KIRREL3: variants seen among roughly 807,000 people sequenced by gnomAD.
KIRREL3 encodes the protein kin of IRRE-like protein 3.
Under a neutral mutation model 89.7 loss-of-function variants are expected in KIRREL3, and 36 were observed. The observed-to-expected ratio is 0.40, with a 90% CI of 0.31 to 0.53. The LOEUF (loss-of-function observed/expected upper bound fraction) is 0.53, where lower values mean the gene tolerates loss of function less well. Ranked by LOEUF, KIRREL3 falls within the 20% of genes least tolerant of loss-of-function variation. KIRREL3 has a pLI of 0.49. For missense variants in KIRREL3, 864 were observed against 1,056.6 expected, an observed-to-expected ratio of 0.82 and a Z score of 2.53; for synonymous variants, 445 against 441.4, an observed-to-expected ratio of 1.01 and a Z score of -0.10.
intron 8 of KIRREL3, 41 bp from the exon 9 acceptor site, chr11:126,446,927 G>A: frequency 1.3e-6 from 2 of 1,588,762 alleles, no homozygotes; most frequent in Non-Finnish European, 1.7e-6. Context: ...AGGTGGGTGG[G>A]GAGCTCTGGG....
intron 1 of KIRREL3, among the ~76,000 whole-genome samples, chr11:126,926,389 C>T (rs1406393697): frequency 6.6e-6 from 1 of 152,212 alleles, no homozygotes; most frequent in Admixed American, 6.5e-5. Context: ...TGTAGTTATG[C>T]TCATTTGAAT....
intron 1 of KIRREL3, among the ~76,000 whole-genome samples, chr11:126,863,114 GGT>G (rs1208569777): frequency 6.6e-6 from 1 of 152,240 alleles, no homozygotes; most frequent in Non-Finnish European, 1.5e-5. Context: ...GCTGGCTGCT[GGT>G]GACTTGCTGC....
At chr11:126,621,028 C>A (rs139706408) in intron 1 of KIRREL3, among the ~76,000 whole-genome samples, 79 of 152,330 alleles carry the variant, frequency 5.2e-4, no homozygotes, top group African/African-American at 1.9e-3. Flanking sequence ...TAAGCGAATG[C>A]AAAGGGCAAA....
chr11:126,722,160 A>T (rs1450943187), intron 1 of KIRREL3, among the ~76,000 whole-genome samples: 1 of 152,166 alleles, frequency 6.6e-6, no homozygotes, highest in African/African-American at 2.4e-5. Flanking sequence ...CCTCCATCCC[A>T]ATCTATCTGC....
Position 126,475,665 on chromosome 11 carries a change from TGGA to T in KIRREL3, c.434-2202_434-2200del, listed in dbSNP as rs1289192222. 6.6e-6 allele frequency among the ~76,000 whole-genome samples: 1 copy of T among 152,056 alleles called. No homozygotes were observed. Among genetic ancestry groups the T allele is most frequent in the Non-Finnish European group, 1.5e-5 (1 of 68,022 alleles). On this transcript the variant is annotated intron_variant, in intron 4 of 16. Coordinates refer to ENST00000525144, the MANE Select transcript of KIRREL3 (RefSeq NM_032531.4). This position sits in a 1 kb window ranked among gnomAD's most constrained non-coding sequence, Gnocchi z 7.5. ...AGGAAGCAGGCATGAATGGGATGGA[TGGA>T]GAAGACGACCCCCCAGCCGCCCACC...
chr11:126,976,121 GAGA>G lies in KIRREL3; in HGVS notation c.55+24331_55+24333del, dbSNP rs1007021265. ...CACATCGCTTTCTACAGAGGATGCTGAGAAGCACATTATTTGTCACCATGCCAC... is the reference window on the plus strand; with the variant it reads ...CACATCGCTTTCTACAGAGGATGCTGAGCACATTATTTGTCACCATGCCAC... On this transcript the variant is annotated intron_variant, in intron 1 of 16. Coordinates refer to ENST00000525144, the MANE Select transcript of KIRREL3 (RefSeq NM_032531.4). This position sits in a 1 kb window ranked among gnomAD's most constrained non-coding sequence, Gnocchi z 4.2. Among the ~76,000 whole-genome samples, 4 of 151,918 alleles carry G rather than the reference GAGA, an allele frequency of 2.6e-5. No individual in the cohort carries two copies. The highest frequency in any genetic ancestry group is 4.4e-5 in the Non-Finnish European group (3 of 67,992).
At chr11:126,889,629 G>A (rs927606929) in intron 1 of KIRREL3, among the ~76,000 whole-genome samples, 2 of 152,116 alleles carry the variant, frequency 1.3e-5, no homozygotes, top group Non-Finnish European at 2.9e-5. Flanking sequence ...GCCACATCAG[G>A]GCTTCTATGC....
chr11:126,923,095 TCTTCTTCTCCTTCTCCTTCTCCTTCTC>T (rs1947422446), intron 1 of KIRREL3, among the ~76,000 whole-genome samples: 1 of 115,598 alleles, frequency 8.7e-6, no homozygotes. Context: ...ATCTTCTTCT[TCTTCTTCTCCTTCTCCTTCTCCTTCTC>T]CTTCTTCTCT....
At chr11:126,654,530 T>C (rs77015157) in intron 1 of KIRREL3, among the ~76,000 whole-genome samples, 3,199 of 152,146 alleles carry the variant, frequency 0.021, 61 homozygotes, top group Non-Finnish European at 0.025. Flanking sequence ...CGGGTAACAG[T>C]TAAAGAGGAA....
At chr11:126,497,543 G>A (rs556614526) in intron 4 of KIRREL3, among the ~76,000 whole-genome samples, 23 of 152,086 alleles carry the variant, frequency 1.5e-4, no homozygotes, top group African/African-American at 5.3e-4. Flanking sequence ...GCTCACCTCT[G>A]CTCTTCAGCT....
At chr11:126,935,323 A>G (rs941129366) in intron 1 of KIRREL3, 7 of 151,662 alleles carry the variant, frequency 4.6e-5, no homozygotes, top group African/African-American at 1.2e-4. Flanking sequence ...AAAAAAAAAA[A>G]AAAAGAAAAG....
At chr11:126,444,247 G>A (rs1037087267) in intron 10 of KIRREL3, among the ~76,000 whole-genome samples, 7 of 152,182 alleles carry the variant, frequency 4.6e-5, no homozygotes, top group Non-Finnish European at 7.3e-5. Flanking sequence ...CCCTGAACAC[G>A]TGGCCTCGTG....
At position 126,640,595 on chromosome 11, in the gene KIRREL3, C is replaced by T. The variant is rs556227533; in HGVS notation, c.56-77683G>A. ...AGAGGGTCCAGCAGTCAGATTAATA[C>T]ACCTCATAGCATTTAGTCTGAACCT... On this transcript the variant is annotated intron_variant, in intron 1 of 16. Coordinates refer to ENST00000525144, the MANE Select transcript of KIRREL3 (RefSeq NM_032531.4). The surrounding 1 kb of genome is among the most constrained non-coding windows in gnomAD (Gnocchi z 4.9). Among the ~76,000 whole-genome samples, 1 of 152,166 alleles carries T rather than the reference C, an allele frequency of 6.6e-6. No homozygotes were observed. Among genetic ancestry groups the T allele is most frequent in the East Asian group, 1.9e-4 (1 of 5,172 alleles).
At chr11:126,863,630 AGTGCGTGTGT>A in intron 1 of KIRREL3, among the ~76,000 whole-genome samples, 1 of 87,324 alleles carries the variant, frequency 1.1e-5, no homozygotes, top group South Asian at 3.8e-4. Flanking sequence ...TGTGTGTTTG[AGTGCGTGTGT>A]GTGTGTTTGA....
intron 1 of KIRREL3, among the ~76,000 whole-genome samples, chr11:126,928,787 G>A (rs1183554897): frequency 6.6e-6 from 1 of 152,178 alleles, no homozygotes; most frequent in Non-Finnish European, 1.5e-5. Context: ...GGAGGCAGAA[G>A]AGGTCACGAA....
In KIRREL3 at chr11:126,622,861, C is replaced by G. The variant is rs1943630070; in HGVS notation, c.56-59949G>C. On this transcript the variant is annotated intron_variant, in intron 1 of 16. Transcript: ENST00000525144. This position sits in a 1 kb window ranked among gnomAD's most constrained non-coding sequence, Gnocchi z 5.2. ...ACATGCACAATTTTATTTGCTTTAT[C>G]TATATTAATTCTTTTCATCCTTATG... Among the ~76,000 whole-genome samples, 2 of 152,112 alleles carry G rather than the reference C, an allele frequency of 1.3e-5. No individual in the cohort carries two copies. Among genetic ancestry groups the G allele is most frequent in the South Asian group, 4.1e-4 (2 of 4,824 alleles).
chr11:126,887,574 G>A (rs1461699981), intron 1 of KIRREL3, among the ~76,000 whole-genome samples: 1 of 152,144 alleles, frequency 6.6e-6, no homozygotes, highest in African/African-American at 2.4e-5. Flanking sequence ...GGCTTACTGA[G>A]TAGGTTTTCA....
At chr11:126,920,436 T>C (rs1014885438) in intron 1 of KIRREL3, 1 of 152,240 alleles carries the variant, frequency 6.6e-6, no homozygotes, top group Non-Finnish European at 1.5e-5. Flanking sequence ...CTGTGGAATT[T>C]AGTCCATTTG....
Position 126,635,251 on chromosome 11 carries a change from TG to T in KIRREL3, c.56-72340del, listed in dbSNP as rs761136610. Among the ~76,000 whole-genome samples the T allele has an allele frequency of 1.3e-5, 2 of 152,176 alleles. No homozygotes were observed. The highest frequency in any genetic ancestry group is 2.1e-4 in the South Asian group (1 of 4,830). The stretch of plus-strand genomic sequence containing the variant: ...GAGGCTTCCCTTCTAAATCCACTCA[TG>T]GGGGGTGCCAGGTGCTTCCCTCCAA... On this transcript the variant is annotated intron_variant, in intron 1 of 16. Coordinates refer to ENST00000525144, the MANE Select transcript of KIRREL3 (RefSeq NM_032531.4). The surrounding 1 kb of genome is among the most constrained non-coding windows in gnomAD (Gnocchi z 4.0).
Sources: allele counts gnomAD v4.1 joint callset (sites outside exome capture counted in the v4.1 genomes callset), GRCh38; gene constraint gnomAD v4.1.1; non-coding constraint Gnocchi (gnomAD v3.1); transcripts MANE v1.5; gene names NCBI Gene and HGNC (gene_info 2026-07-23, HGNC 2026-07-21).